CD44: variants seen among roughly 807,000 people sequenced by gnomAD.
The protein encoded by CD44 is CD44 antigen.
In CD44, 49 loss-of-function variants were observed where a neutral mutation model predicts 88.8. The ratio of observed to expected loss-of-function variants is 0.55; its 90% CI spans 0.44 to 0.70. The LOEUF is 0.70. Among genes scored for constraint, CD44 ranks in the 30% least tolerant of loss-of-function variants. The pLI, the probability that CD44 is intolerant of heterozygous loss-of-function variation, is 0.00. For missense variants in CD44, 883 were observed against 913.8 expected, an observed-to-expected ratio of 0.97 and a Z score of 0.43; for synonymous variants, 325 against 312.3, an observed-to-expected ratio of 1.04 and a Z score of -0.43.
chr11:35,196,039 T>C (rs1946706493), intron 5 of CD44, among the ~76,000 whole-genome samples: 1 of 152,140 alleles, frequency 6.6e-6, no homozygotes, highest in Non-Finnish European at 1.5e-5. Context: ...CCTAAATTCT[T>C]GGAGAATGAT....
intron 1 of CD44, among the ~76,000 whole-genome samples, chr11:35,175,938 T>G (rs1188784576): frequency 1.3e-5 from 2 of 149,572 alleles, no homozygotes; most frequent in Admixed American, 6.7e-5. Flanking sequence ...TGATCTCGGC[T>G]CACTGTAACC....
At chr11:35,182,844 C>T (rs1468894515) in intron 3 of CD44, among the ~76,000 whole-genome samples, 1 of 152,058 alleles carries the variant, frequency 6.6e-6, no homozygotes. Flanking sequence ...AGTTGCATAC[C>T]CACATTGTCT....
intron 1 of CD44, among the ~76,000 whole-genome samples, chr11:35,159,746 A>G (rs897154927): frequency 2.0e-5 from 3 of 152,222 alleles, no homozygotes; most frequent in Admixed American, 6.5e-5. Flanking sequence ...TGAGGCTCAT[A>G]AAGCGGACGT....
chr11:35,162,140 G>GT (rs1286300194), intron 1 of CD44, among the ~76,000 whole-genome samples: 1 of 152,144 alleles, frequency 6.6e-6, no homozygotes, highest in Middle Eastern at 3.2e-3. Flanking sequence ...TATCTGGCTT[G>GT]TATCAACCAT....
At chr11:35,196,946 A>G (rs1203024437) in intron 6 of CD44, 72 bp downstream of exon 6, 30 of 1,508,296 alleles carry the variant, frequency 2.0e-5, no homozygotes, top group Middle Eastern at 3.5e-4. Context: ...GACCTCTGGG[A>G]TGTTATTAAA....
intron 4 of CD44, among the ~76,000 whole-genome samples, chr11:35,187,552 T>C (rs573941220): frequency 6.6e-6 from 1 of 152,338 alleles, no homozygotes; most frequent in Admixed American, 6.5e-5. Flanking sequence ...AAATTGCACA[T>C]GGAAAACCAA....
intron 1 of CD44, among the ~76,000 whole-genome samples, chr11:35,142,905 T>C (rs1354297298): frequency 6.6e-6 from 1 of 152,144 alleles, no homozygotes; most frequent in African/African-American, 2.4e-5. Context: ...TTAGAAAATC[T>C]GAAAGAGAGG....
At chr11:35,202,900 G>C (rs1370024351) in intron 9 of CD44, among the ~76,000 whole-genome samples, 3 of 152,140 alleles carry the variant, frequency 2.0e-5, no homozygotes, top group Non-Finnish European at 4.4e-5. Flanking sequence ...CTCCCTTAGA[G>C]CCCTAACAGT....
At chr11:35,212,715 T>G (rs1948505327) in intron 14 of CD44, 1 of 152,244 alleles carries the variant, frequency 6.6e-6, no homozygotes. Context: ...TCAGCATTGT[T>G]CTGCTCTCAT....
At chr11:35,222,482 G>A in intron 17 of CD44, 1 of 1,240,442 alleles carries the variant, frequency 8.1e-7, no homozygotes, top group Middle Eastern at 2.2e-4. Context: ...ACAACTAAAT[G>A]AAGACAGTCA....
In CD44 at chr11:35,189,878, A is replaced by T; in HGVS notation, c.480A>T (p.Glu160Asp). Reference protein sequence around the residue: ...RDGTRYVQKGEYRTNPEDIYP... With the variant: ...RDGTRYVQKGDYRTNPEDIYP... ...GCACCCGCTATGTCCAGAAAGGAGA[A>T]TACAGAACGAATCCTGAAGACATCT... Residue 160 changes from glutamate to aspartate, a missense_variant, in exon 5 of 18, where the codon GAA becomes GAT. Coordinates refer to ENST00000428726, the MANE Select transcript of CD44 (RefSeq NM_000610.4). 1 of 1,614,178 alleles carries T rather than the reference A, an allele frequency of 6.2e-7. No individual in the cohort carries two copies. Among genetic ancestry groups the T allele is most frequent in the Non-Finnish European group, 8.5e-7 (1 of 1,180,012 alleles).
At chr11:35,206,669 T>TGGGGG (rs57972216) in intron 11 of CD44, among the ~76,000 whole-genome samples, 29 of 146,110 alleles carry the variant, frequency 2.0e-4, no homozygotes, top group South Asian at 4.3e-4. Flanking sequence ...TGGGGGTTGG[T>TGGGGG]GGGGGGGGCA....
intron 1 of CD44, among the ~76,000 whole-genome samples, chr11:35,154,502 T>C (rs1941595492): frequency 6.6e-6 from 1 of 152,162 alleles, no homozygotes; most frequent in Non-Finnish European, 1.5e-5. Context: ...CAGATGCAAG[T>C]ACATGTCATA....
At chr11:35,148,229 A>G (rs1859596088) in intron 1 of CD44, among the ~76,000 whole-genome samples, 2 of 152,230 alleles carry the variant, frequency 1.3e-5, no homozygotes, top group Admixed American at 6.5e-5. Flanking sequence ...TAGCTACTAC[A>G]TGCCAATCAC....
chr11:35,139,258 A>G lies in CD44; in HGVS notation c.-46A>G. The stretch of plus-strand genomic sequence containing the variant: ...GCCGGCCCCTGCCCCGCGCCCAGGG[A>G]TCCTCCAGCTCCTTTCGCCCGCGCC... On this transcript the variant is annotated 5_prime_UTR_variant, in exon 1 of 18. Transcript: ENST00000428726. The G allele has an allele frequency of 6.7e-7, 1 of 1,499,168 alleles. No homozygotes were observed. Among genetic ancestry groups the G allele is most frequent in the Non-Finnish European group, 9.1e-7 (1 of 1,099,370 alleles). The allele number at this position is 1,499,168 out of a possible 1,614,324, so 92.9% of individuals were successfully genotyped here. A position where few individuals can be genotyped will look rare whatever the true frequency, so the allele number is the denominator to read the frequency against.
At chr11:35,194,657 G>A (rs1242308616) in intron 5 of CD44, among the ~76,000 whole-genome samples, 1 of 152,166 alleles carries the variant, frequency 6.6e-6, no homozygotes, top group East Asian at 1.9e-4. Context: ...GTGAGAATAG[G>A]GTCTTGTACC....
Position 35,176,732 on chromosome 11 carries a change from G to T in CD44, c.225G>T (p.Glu75Asp). 3 of 1,613,808 alleles carry T rather than the reference G, an allele frequency of 1.9e-6. No individual in the cohort carries two copies. Among genetic ancestry groups the T allele is most frequent in the Non-Finnish European group, 2.5e-6 (3 of 1,179,864 alleles). Reference protein sequence around the residue: ...QMEKALSIGFETCRYGFIEGH... With the variant: ...QMEKALSIGFDTCRYGFIEGH... Reference sequence around the variant, plus strand: ...AGAAAGCTCTGAGCATCGGATTTGAGACCTGCAGGTAAGAGACCAGCACCC... The same window carrying T: ...AGAAAGCTCTGAGCATCGGATTTGATACCTGCAGGTAAGAGACCAGCACCC... The change falls in exon 2 of 18, where the codon GAG becomes GAT. Residue 75 changes from glutamate (E) to aspartate (D), a missense_variant. Glu to Asp is a conservative substitution (Grantham distance 45). Around this residue, in one of 2 missense-constraint regions of CD44, gnomAD observed 252 missense variants for 322.9 expected, o/e 0.78. Coordinates refer to ENST00000428726, the MANE Select transcript of CD44 (RefSeq NM_000610.4).
chr11:35,166,874 A>C (rs1591004735), intron 1 of CD44, among the ~76,000 whole-genome samples: 1 of 152,250 alleles, frequency 6.6e-6, no homozygotes, highest in East Asian at 1.9e-4. Flanking sequence ...CATGGTCTGC[A>C]CTGGGCAGCC....
intron 1 of CD44, among the ~76,000 whole-genome samples, chr11:35,176,243 C>T (rs1196377081): frequency 2.0e-5 from 3 of 152,042 alleles, no homozygotes; most frequent in Non-Finnish European, 2.9e-5. Flanking sequence ...GGGGTTTCAC[C>T]GTGTTAGCCA....
Sources: allele counts gnomAD v4.1 joint callset (sites outside exome capture counted in the v4.1 genomes callset), GRCh38; gene constraint gnomAD v4.1.1; regional missense constraint gnomAD v4.1.1; transcripts MANE v1.5; gene names NCBI Gene and HGNC (gene_info 2026-07-23, HGNC 2026-07-21).